PITPNM3: variants seen among roughly 807,000 people sequenced by gnomAD.
The protein encoded by PITPNM3 is membrane-associated phosphatidylinositol transfer protein 3.
PITPNM3 carries 26 observed loss-of-function variants against 102.0 expected under a neutral mutation model. That is an observed-to-expected ratio of 0.25 (90% CI 0.19 to 0.35). The LOEUF (loss-of-function observed/expected upper bound fraction) is 0.35. PITPNM3 is among the 10% of genes least tolerant of loss of function. The pLI is 1.00. For missense variants in PITPNM3, 1,083 were observed against 1,346.1 expected, an observed-to-expected ratio of 0.80 and a Z score of 3.06; for synonymous variants, 578 against 558.6, an observed-to-expected ratio of 1.03 and a Z score of -0.49.
Position 6,458,740 on chromosome 17 carries a change from C to T in PITPNM3, c.2491-1018G>A, listed in dbSNP as rs190263375. Reference sequence around the variant, plus strand: ...CCTGCCTGAGTGACCCATGGCATCCCTGTGTCCTTGCCTCCACCCCGGATT... The same window carrying T: ...CCTGCCTGAGTGACCCATGGCATCCTTGTGTCCTTGCCTCCACCCCGGATT... On this transcript the variant is annotated intron_variant, in intron 18 of 19. Coordinates refer to ENST00000262483, the MANE Select transcript of PITPNM3 (RefSeq NM_031220.4). This position sits in a 1 kb window ranked among gnomAD's most constrained non-coding sequence, Gnocchi z 5.1. 2.7e-4 allele frequency among the ~76,000 whole-genome samples: 41 copies of T among 152,254 alleles called. No individual in the cohort carries two copies. Among genetic ancestry groups the T allele is most frequent in the African/African-American group, 9.4e-4 (39 of 41,540 alleles).
At chr17:6,473,973 T>G (rs1905178116) in intron 10 of PITPNM3, among the ~76,000 whole-genome samples, 1 of 50,922 alleles carries the variant, frequency 2.0e-5, no homozygotes, top group Non-Finnish European at 3.2e-5. Flanking sequence ...TGAGACTCCA[T>G]CTCAAAAAAA....
Position 6,537,948 on chromosome 17 carries a change from G to A in PITPNM3, c.118+39C>T. The A allele has an allele frequency of 6.5e-7, 1 of 1,543,190 alleles. No homozygotes were observed. The highest frequency in any genetic ancestry group is 1.4e-5 in the African/African-American group (1 of 73,438). On this transcript the variant is annotated intron_variant, in intron 2 of 19. Transcript: ENST00000262483. This position sits in a 1 kb window ranked among gnomAD's most constrained non-coding sequence, Gnocchi z 4.4. ...ATCTTCTTCTTGAGGCTTCTAGGAA[G>A]GTCACCCAGCCAGTGATATGAGACT...
intron 9 of PITPNM3, 73 bp from the exon 10 acceptor site, chr17:6,474,677 G>C: frequency 1.3e-6 from 2 of 1,485,868 alleles, no homozygotes; most frequent in Non-Finnish European, 1.8e-6. Context: ...TCACACAGCA[G>C]CGCAGCCTGA....
chr17:6,555,934 G>A (rs1348335867), intron 1 of PITPNM3, among the ~76,000 whole-genome samples: 1 of 152,178 alleles, frequency 6.6e-6, no homozygotes, highest in African/African-American at 2.4e-5. Flanking sequence ...GCTGGTGACG[G>A]GGGCTGGGGC....
chr17:6,541,333 GCACATACA>G (rs1175687002), intron 1 of PITPNM3, among the ~76,000 whole-genome samples: 1 of 148,272 alleles, frequency 6.7e-6, no homozygotes, highest in Admixed American at 6.7e-5. Flanking sequence ...ATCTGCTTGT[GCACATACA>G]TGTGTGGGAT....
chr17:6,513,914 CAT>C (rs1908005101), intron 3 of PITPNM3, among the ~76,000 whole-genome samples: 1 of 152,206 alleles, frequency 6.6e-6, no homozygotes, highest in East Asian at 1.9e-4. Flanking sequence ...GACTGTGTGG[CAT>C]ATTAACATAT....
At position 6,482,020 on chromosome 17, in the gene PITPNM3, C is replaced by G. The variant is rs867396064; in HGVS notation, c.587+1497G>C. Among the ~76,000 whole-genome samples the G allele has an allele frequency of 6.1e-4, 62 of 101,098 alleles. 1 individual carries two copies. The highest frequency in any genetic ancestry group is 2.4e-3 in the African/African-American group (47 of 19,894). The allele number at this position is 101,098 out of a possible 152,430, so 66.3% of individuals were successfully genotyped here. A position where few individuals can be genotyped will look rare whatever the true frequency, so the allele number is the denominator to read the frequency against. On this transcript the variant is annotated intron_variant, in intron 6 of 19. Transcript: ENST00000262483. The stretch of plus-strand genomic sequence containing the variant: ...TCTCTCTCTCTCTCTCTCTCTCTCT[C>G]TCTCTCTCTCTCTCTGTCTGTCTCT...
In PITPNM3 at chr17:6,471,156, C is replaced by T; in HGVS notation, c.1624+5G>A. 6.2e-7 allele frequency: 1 copy of T among 1,611,972 alleles called. No individual in the cohort carries two copies. Among genetic ancestry groups the T allele is most frequent in the Non-Finnish European group, 8.5e-7 (1 of 1,179,962 alleles). On this transcript the variant is annotated splice_donor_5th_base_variant and intron_variant, in intron 12 of 19. Transcript: ENST00000262483. ...CAGGCAGGGCCCCAAAAGGACCTCA[C>T]TCACTGCGGGAGGCACCCACGGGTG... is the stretch of plus-strand genomic sequence containing the variant.
rs1286396399 is a variant in PITPNM3, at chr17:6,469,283, A to G, written c.1774-942T>C. Reference sequence around the variant, plus strand: ...TACTCCCCTTCCGTCCCAGCAACTAAGAGGCAGCTCACACTTCACACACCC... The same window carrying G: ...TACTCCCCTTCCGTCCCAGCAACTAGGAGGCAGCTCACACTTCACACACCC... On this transcript the variant is annotated intron_variant, in intron 13 of 19. Coordinates refer to ENST00000262483, the MANE Select transcript of PITPNM3 (RefSeq NM_031220.4). The surrounding 1 kb of genome is among the most constrained non-coding windows in gnomAD (Gnocchi z 4.0). Among the ~76,000 whole-genome samples the G allele has an allele frequency of 6.6e-6, 1 of 152,086 alleles. No individual in the cohort carries two copies. Among genetic ancestry groups the G allele is most frequent in the East Asian group, 1.9e-4 (1 of 5,190 alleles).
Position 6,556,508 on chromosome 17 carries a change from C to T in PITPNM3, c.-102G>A, listed in dbSNP as rs1910624980. 1.3e-6 allele frequency: 1 copy of T among 788,860 alleles called. No homozygotes were observed. The highest frequency in any genetic ancestry group is 1.5e-6 in the Non-Finnish European group (1 of 648,916). 48.9% of individuals were successfully genotyped at this position (788,860 alleles called of 1,614,324 possible). ...CCGAACGGACTCCGAGCGCCGCGCCCGCGCCCCCGCCCCGCTCGCCTCGGC... is the reference window on the plus strand; with the variant it reads ...CCGAACGGACTCCGAGCGCCGCGCCTGCGCCCCCGCCCCGCTCGCCTCGGC... On this transcript the variant is annotated 5_prime_UTR_variant, in exon 1 of 20. Transcript: ENST00000262483. The surrounding 1 kb of genome is among the most constrained non-coding windows in gnomAD (Gnocchi z 5.2).
intron 14 of PITPNM3, among the ~76,000 whole-genome samples, chr17:6,465,924 C>T (rs1446058764): frequency 6.6e-6 from 1 of 152,206 alleles, no homozygotes; most frequent in South Asian, 2.1e-4. Context: ...TAATGGAGCT[C>T]CTTCCTCAAA....
chr17:6,515,985 A>G (rs956800793), intron 3 of PITPNM3, among the ~76,000 whole-genome samples: 2 of 152,208 alleles, frequency 1.3e-5, no homozygotes, highest in African/African-American at 4.8e-5. Flanking sequence ...GTCCAAGACC[A>G]ACCAAGACAA....
At chr17:6,460,080 G>A (rs982713013) in intron 18 of PITPNM3, among the ~76,000 whole-genome samples, 2 of 152,098 alleles carry the variant, frequency 1.3e-5, no homozygotes, top group Non-Finnish European at 2.9e-5. Flanking sequence ...GTGACCCTCA[G>A]CAGAGAATTT....
rs1567654866 is a variant in PITPNM3 at position 6,452,959 on chromosome 17, CCTCTCTCTCTCTCTCTTCCTCT to C, written c.*2357_*2378del. On this transcript the variant is annotated 3_prime_UTR_variant, in exon 20 of 20. Transcript: ENST00000262483. Reference sequence around the variant, plus strand: ...GGCTCATGAGCTCTCTCTCTCTCTTCCTCTCTCTCTCTCTCTTCCTCTCTCTCTCTCTCTGTCTTCCTTTCTC... The same window carrying C: ...GGCTCATGAGCTCTCTCTCTCTCTTCCTCTCTCTCTCTGTCTTCCTTTCTC... The C allele has an allele frequency of 1.4e-5, 2 of 145,480 alleles. No homozygotes were observed. Among genetic ancestry groups the C allele is most frequent in the African/African-American group, 2.6e-5 (1 of 38,790 alleles). 9.0% of individuals were successfully genotyped at this position (145,480 alleles called of 1,614,324 possible). A position where few individuals can be genotyped will look rare whatever the true frequency, so the allele number is the denominator to read the frequency against.
Position 6,455,622 on chromosome 17 carries a change from C to G in PITPNM3, c.2641G>C (p.Ala881Pro), listed in dbSNP as rs1383168508. 1 of 1,493,778 alleles carries G rather than the reference C, an allele frequency of 6.7e-7. No individual in the cohort carries two copies. Among genetic ancestry groups the G allele is most frequent in the South Asian group, 1.1e-5 (1 of 88,170 alleles). 92.5% of individuals were successfully genotyped at this position (1,493,778 alleles called of 1,614,324 possible). A position where few individuals can be genotyped will look rare whatever the true frequency, so the allele number is the denominator to read the frequency against. ...CTGGCCTCCAGCGCGGCCAGGTGTG[C>G]GGCGTAGCCCTCGCTCAGGAACTGC... The part of the protein sequence containing the change: ...QCQFLSEGYA[A>P]HLAALEASHR... The change falls in exon 20 of 20, where the codon GCA becomes CCA. Residue 881 changes from alanine to proline, a missense_variant. Transcript: ENST00000262483.
chr17:6,484,350 C>G (rs1448122393), intron 4 of PITPNM3, 58 bp from the exon 5 acceptor site: 3 of 1,501,736 alleles, frequency 2.0e-6, no homozygotes, highest in Non-Finnish European at 2.8e-6. Flanking sequence ...TGACCAGACA[C>G]TCCCTGGGCC....
intron 17 of PITPNM3, among the ~76,000 whole-genome samples, chr17:6,463,417 G>GGAAGGGAGGCAGGGAGGGAA: frequency 1.7e-5 from 1 of 58,774 alleles, no homozygotes. Context: ...CACGAGTGCA[G>GGAAGGGAGGCAGGGAGGGAA]GGAGGGAGGC....
intron 2 of PITPNM3, among the ~76,000 whole-genome samples, chr17:6,532,305 C>T (rs1187896876): frequency 4.6e-5 from 7 of 152,096 alleles, no homozygotes; most frequent in Non-Finnish European, 1.0e-4. Context: ...ATGGTGGGGA[C>T]AGTCTCCATT....
chr17:6,475,745 C>T (rs1194745306), intron 9 of PITPNM3, among the ~76,000 whole-genome samples: 2 of 152,222 alleles, frequency 1.3e-5, no homozygotes, highest in Non-Finnish European at 2.9e-5. Flanking sequence ...TGGAAGCCTC[C>T]AACTTCTCAT....
Sources: gnomAD v4.1 joint callset for allele counts (sites outside exome capture counted in the v4.1 genomes callset) on GRCh38, gnomAD v4.1.1 for gene constraint, Gnocchi (gnomAD v3.1) non-coding constraint, MANE v1.5 for transcripts, NCBI Gene and HGNC (gene_info 2026-07-23, HGNC 2026-07-21) for gene names.